TRAF3: variants seen among roughly 807,000 people sequenced by gnomAD.
TRAF3 encodes the protein TNF receptor associated factor 3.
In TRAF3, 13 loss-of-function variants were observed where a neutral mutation model predicts 62.3. That is an observed-to-expected ratio of 0.21 (90% CI 0.14 to 0.33). The LOEUF (loss-of-function observed/expected upper bound fraction) is 0.33. Among genes scored for constraint, TRAF3 ranks in the 10% least tolerant of loss-of-function variants. The pLI is 1.00. For missense variants in TRAF3, 440 were observed against 741.8 expected (o/e 0.59, Z 4.73); for synonymous variants, 269 against 283.4 (o/e 0.95, Z 0.51).
intron 2 of TRAF3, among the ~76,000 whole-genome samples, chr14:102,832,708 T>TAC (rs1885719901): frequency 6.6e-6 from 1 of 152,042 alleles, no homozygotes; most frequent in African/African-American, 2.4e-5. Flanking sequence ...AAGCACTACC[T>TAC]ACACACACAC....
chr14:102,847,379 T>C (rs181975896), intron 2 of TRAF3, among the ~76,000 whole-genome samples: 3 of 152,300 alleles, frequency 2.0e-5, no homozygotes, highest in Admixed American at 6.5e-5. Flanking sequence ...TTTACCATAT[T>C]GGCCCGGCTG....
chr14:102,883,042 C>T (rs945886735), intron 6 of TRAF3, among the ~76,000 whole-genome samples: 2 of 152,168 alleles, frequency 1.3e-5, no homozygotes, highest in African/African-American at 4.8e-5. Flanking sequence ...TGGAAATCAA[C>T]TGTCAGTATC....
intron 1 of TRAF3, among the ~76,000 whole-genome samples, chr14:102,808,438 A>G (rs1234183961): frequency 2.0e-5 from 3 of 151,788 alleles, no homozygotes; most frequent in South Asian, 4.2e-4. Context: ...GCTTGAACCC[A>G]GGAGGCAGAG....
rs140505194 is a variant in TRAF3 at position 102,783,603 on chromosome 14, C to T, written c.-157+5928C>T. ...ATCTTAAAATTTAATGTGAATTTTA[C>T]ATTGTACTCAGTAACGTGGCTGATT... On this transcript the variant is annotated intron_variant, in intron 1 of 11. Transcript: ENST00000392745. Among the ~76,000 whole-genome samples, 6 of 152,284 alleles carry T rather than the reference C, an allele frequency of 3.9e-5. No individual in the cohort carries two copies. In the East Asian group the frequency reaches 9.6e-4, roughly 24 times the overall value.
intron 1 of TRAF3, among the ~76,000 whole-genome samples, chr14:102,778,748 A>G (rs1301078013): frequency 6.6e-6 from 1 of 152,058 alleles, no homozygotes; most frequent in Non-Finnish European, 1.5e-5. Context: ...GCGACTACAC[A>G]CTGCCGGAGC....
At chr14:102,838,023 C>G (rs567369171) in intron 2 of TRAF3, among the ~76,000 whole-genome samples, 2 of 152,292 alleles carry the variant, frequency 1.3e-5, no homozygotes, top group Admixed American at 1.3e-4. Context: ...GTGAGCCTGT[C>G]TTTGTTGAGG....
intron 2 of TRAF3, among the ~76,000 whole-genome samples, chr14:102,862,808 C>T (rs1411384256): frequency 6.6e-6 from 1 of 151,938 alleles, no homozygotes; most frequent in Non-Finnish European, 1.5e-5. Context: ...ATTTTTTCTT[C>T]TGTTCCTTAC....
At chr14:102,811,131 A>G (rs77661386) in intron 1 of TRAF3, among the ~76,000 whole-genome samples, 3,400 of 152,288 alleles carry the variant, frequency 0.022, 147 homozygotes, top group African/African-American at 0.078. Flanking sequence ...GTAGGACGCC[A>G]GTCCCATGCA....
chr14:102,786,694 A>T (rs1375836647), intron 1 of TRAF3, among the ~76,000 whole-genome samples: 1 of 152,090 alleles, frequency 6.6e-6, no homozygotes, highest in East Asian at 1.9e-4. Flanking sequence ...TAAAAAAAAA[A>T]CGAGCCTGTG....
intron 2 of TRAF3, among the ~76,000 whole-genome samples, chr14:102,832,994 T>C (rs1885741337): frequency 6.6e-6 from 1 of 152,234 alleles, no homozygotes; most frequent in Non-Finnish European, 1.5e-5. Context: ...AGCTTAAATG[T>C]CCTCTCCTGG....
intron 2 of TRAF3, among the ~76,000 whole-genome samples, chr14:102,830,684 T>C (rs758419800): frequency 6.6e-6 from 1 of 152,180 alleles, no homozygotes; most frequent in Non-Finnish European, 1.5e-5. Context: ...CCCTTAACGC[T>C]GTGTGCTGTG....
rs576703603 is a variant in TRAF3 at position 102,819,520 on chromosome 14, A to G, written c.-156-10814A>G. Reference sequence around the variant, plus strand: ...GTTTGTAGAATGAACACATGTATAAACTAGACTTGAATGGAGATTATTGTT... The same window carrying G: ...GTTTGTAGAATGAACACATGTATAAGCTAGACTTGAATGGAGATTATTGTT... On this transcript the variant is annotated intron_variant, in intron 1 of 11. Coordinates refer to ENST00000392745, the MANE Select transcript of TRAF3 (RefSeq NM_145725.3). 1.3e-3 allele frequency among the ~76,000 whole-genome samples: 191 copies of G among 152,276 alleles called. 2 individuals are homozygous for G. The highest frequency in any genetic ancestry group is 6.8e-3 in the Middle Eastern group (2 of 294).
chr14:102,852,506 C>T (rs940789406), intron 2 of TRAF3, among the ~76,000 whole-genome samples: 1 of 152,178 alleles, frequency 6.6e-6, no homozygotes, highest in African/African-American at 2.4e-5. Context: ...CTTATTTCTC[C>T]TTAATTCTCT....
chr14:102,811,913 C>CCTTTTTTTTTTTTTTTTTTTTTT (rs1381571409), intron 1 of TRAF3, among the ~76,000 whole-genome samples: 1 of 47,076 alleles, frequency 2.1e-5, no homozygotes, highest in Non-Finnish European at 3.7e-5. Context: ...ATGCCTGGCC[C>CCTTTTTTTTTTTTTTTTTTTTTT]TTTTTTTTTT....
intron 1 of TRAF3, among the ~76,000 whole-genome samples, chr14:102,785,676 T>C (rs940846642): frequency 6.6e-6 from 1 of 152,172 alleles, no homozygotes. Flanking sequence ...GAAATGATGT[T>C]TGGCTATTTT....
At chr14:102,807,828 G>C (rs1237790100) in intron 1 of TRAF3, among the ~76,000 whole-genome samples, 1 of 152,172 alleles carries the variant, frequency 6.6e-6, no homozygotes, top group African/African-American at 2.4e-5. Context: ...GGCGCATAGT[G>C]ATGTTGTTAG....
At chr14:102,839,321 C>T (rs1399732871) in intron 2 of TRAF3, among the ~76,000 whole-genome samples, 2 of 145,264 alleles carry the variant, frequency 1.4e-5, no homozygotes, top group African/African-American at 2.6e-5. Flanking sequence ...TGGGCTCAAG[C>T]GATTCTCCTG....
At chr14:102,844,418 T>C (rs1350653720) in intron 2 of TRAF3, among the ~76,000 whole-genome samples, 1 of 152,170 alleles carries the variant, frequency 6.6e-6, no homozygotes, top group Non-Finnish European at 1.5e-5. Context: ...AGGGAGAATC[T>C]CTATAAGTCC....
At chr14:102,881,412 A>G (rs1471819784) in intron 6 of TRAF3, among the ~76,000 whole-genome samples, 3 of 151,290 alleles carry the variant, frequency 2.0e-5, no homozygotes, top group African/African-American at 7.3e-5. Context: ...AAAAAAAAAG[A>G]AAAAAAGGAA....
Sources: gnomAD v4.1 joint callset for allele counts (sites outside exome capture counted in the v4.1 genomes callset) on GRCh38, gnomAD v4.1.1 for gene constraint, MANE v1.5 for transcripts, NCBI Gene and HGNC (gene_info 2026-07-23, HGNC 2026-07-21) for gene names.